The following RNGTT variants were observed in gnomAD, a reference collection of about 807,000 sequenced individuals.
The protein encoded by RNGTT is mRNA-capping enzyme.
In RNGTT, 33 loss-of-function variants were observed where a neutral mutation model predicts 79.3. The ratio of observed to expected loss-of-function variants is 0.42; its 90% CI spans 0.32 to 0.56. The LOEUF (loss-of-function observed/expected upper bound fraction) is 0.56, where lower values mean the gene tolerates loss of function less well. RNGTT is among the 20% of genes least tolerant of loss of function. RNGTT has a pLI of 0.17. For missense variants in RNGTT, 497 were observed against 739.1 expected, an observed-to-expected ratio of 0.67 and a Z score of 3.80; for synonymous variants, 222 against 235.9, an observed-to-expected ratio of 0.94 and a Z score of 0.54.
intron 13 of RNGTT, among the ~76,000 whole-genome samples, chr6:88,701,825 G>A (rs1775956928): frequency 7.1e-6 from 1 of 140,114 alleles, no homozygotes; most frequent in Non-Finnish European, 1.5e-5. Flanking sequence ...TTCTCATGCT[G>A]TAGAGACATT....
At chr6:88,950,770 G>A (rs749497838) in intron 1 of RNGTT, among the ~76,000 whole-genome samples, 101 of 152,064 alleles carry the variant, frequency 6.6e-4, no homozygotes, top group Non-Finnish European at 1.0e-3. Context: ...AGTTCGAGGC[G>A]GCAGTGAGCC....
At chr6:88,696,082 C>T (rs1478038403) in intron 13 of RNGTT, among the ~76,000 whole-genome samples, 1 of 152,156 alleles carries the variant, frequency 6.6e-6, no homozygotes, top group Non-Finnish European at 1.5e-5. Flanking sequence ...ATACACTGCA[C>T]AGCATAATGA....
At chr6:88,656,210 C>T (rs1401334288) in intron 14 of RNGTT, among the ~76,000 whole-genome samples, 1 of 152,088 alleles carries the variant, frequency 6.6e-6, no homozygotes, top group Non-Finnish European at 1.5e-5. Flanking sequence ...TTAATAAAAT[C>T]CTAAGTGGCA....
chr6:88,648,865 G>A (rs780345474), intron 14 of RNGTT, among the ~76,000 whole-genome samples: 8 of 152,092 alleles, frequency 5.3e-5, no homozygotes, highest in Non-Finnish European at 1.0e-4. Flanking sequence ...TTTACAGAGC[G>A]ATTTCTTTGT....
intron 14 of RNGTT, among the ~76,000 whole-genome samples, chr6:88,660,549 T>TAAAAAAAAAAAAAAAAAAAA (rs139978224): frequency 2.8e-5 from 4 of 144,262 alleles, no homozygotes; most frequent in African/African-American, 1.1e-4. Flanking sequence ...GCAACAATGG[T>TAAAAAAAAAAAAAAAAAAAA]AAAAAAAAAG....
At chr6:88,615,456 C>G (rs1772182445) in intron 14 of RNGTT, among the ~76,000 whole-genome samples, 1 of 152,122 alleles carries the variant, frequency 6.6e-6, no homozygotes, top group Non-Finnish European at 1.5e-5. Flanking sequence ...TCAACAAATC[C>G]AACAGGTGCA....
Position 88,902,666 on chromosome 6 carries a change from C to T in RNGTT, c.684+2049G>A, listed in dbSNP as rs185062024. Among the ~76,000 whole-genome samples, 21 of 145,032 alleles carry T rather than the reference C, an allele frequency of 1.4e-4. No homozygotes were observed. The East Asian group carries it at 4.2e-3, about 29-fold the overall frequency. ...GACAAAAGTACTAATATATACCAGC[C>T]TTTAAAAAGATGTATAGTGAAATCT... On this transcript the variant is annotated intron_variant, in intron 6 of 15. Transcript: ENST00000369485.
chr6:88,956,740 A>G (rs1194734276), intron 1 of RNGTT, among the ~76,000 whole-genome samples: 2 of 152,204 alleles, frequency 1.3e-5, no homozygotes, highest in African/African-American at 4.8e-5. Context: ...TTTACCATAC[A>G]CAAGTCAATA....
chr6:88,865,716 C>A (rs927138065), intron 8 of RNGTT, among the ~76,000 whole-genome samples: 1 of 152,096 alleles, frequency 6.6e-6, no homozygotes, highest in African/African-American at 2.4e-5. Context: ...CTCAATCTGT[C>A]TAAGAGCTTG....
At chr6:88,930,121 T>C (rs1784464879) in intron 2 of RNGTT, among the ~76,000 whole-genome samples, 1 of 142,556 alleles carries the variant, frequency 7.0e-6, no homozygotes, top group Non-Finnish European at 1.5e-5. Context: ...TGTATACATA[T>C]ATACACGTAT....
chr6:88,689,151 A>C (rs936509781), intron 13 of RNGTT, among the ~76,000 whole-genome samples: 1 of 152,144 alleles, frequency 6.6e-6, no homozygotes, highest in Non-Finnish European at 1.5e-5. Flanking sequence ...TCTTAAGTCC[A>C]TACCAATAGG....
At chr6:88,902,082 G>C (rs1361901315) in intron 6 of RNGTT, among the ~76,000 whole-genome samples, 2 of 152,138 alleles carry the variant, frequency 1.3e-5, no homozygotes, top group Non-Finnish European at 2.9e-5. Flanking sequence ...CAGCTACTCA[G>C]GAGGCTGCGA....
In RNGTT at chr6:88,942,596, C is replaced by A. The variant is rs1037466798; in HGVS notation, c.65-1416G>T. On this transcript the variant is annotated intron_variant, in intron 1 of 15. Coordinates refer to ENST00000369485, the MANE Select transcript of RNGTT (RefSeq NM_003800.5). The stretch of plus-strand genomic sequence containing the variant: ...ATGTTGCCCAGGCTGGTCTCGAATT[C>A]CTAAGCTCAAGCAATTCGCCTACCT... Among the ~76,000 whole-genome samples the A allele has an allele frequency of 2.6e-5, 4 of 152,178 alleles. No individual in the cohort carries two copies. In the South Asian group the frequency reaches 8.3e-4, roughly 32 times the overall value.
intron 8 of RNGTT, among the ~76,000 whole-genome samples, chr6:88,888,712 G>T (rs538927383): frequency 5.3e-5 from 8 of 152,106 alleles, no homozygotes; most frequent in Non-Finnish European, 7.4e-5. Context: ...TTAACTACTT[G>T]AATTAGTACA....
rs548431207 is a variant in RNGTT at position 88,804,139 on chromosome 6, C to T, written c.1270-2507G>A. ...TGTATTCTCAAGTTTTGAATTATTA[C>T]TCAATTTGCCAGAAAAGGAAACTGA... On this transcript the variant is annotated intron_variant, in intron 11 of 15. Transcript: ENST00000369485. 2.6e-5 allele frequency among the ~76,000 whole-genome samples: 4 copies of T among 152,230 alleles called. No individual in the cohort carries two copies. The South Asian group carries it at 8.3e-4, about 31-fold the overall frequency.
At chr6:88,819,881 G>T (rs1780443632) in intron 11 of RNGTT, among the ~76,000 whole-genome samples, 1 of 152,032 alleles carries the variant, frequency 6.6e-6, no homozygotes, top group Non-Finnish European at 1.5e-5. Flanking sequence ...TACAGCTGCG[G>T]ATCTTTATTT....
chr6:88,738,762 C>CAGAAA (rs1330563211), intron 13 of RNGTT, among the ~76,000 whole-genome samples: 5 of 151,904 alleles, frequency 3.3e-5, no homozygotes, highest in African/African-American at 1.2e-4. Context: ...TATATGGGAA[C>CAGAAA]TTTCTGTTCT....
intron 4 of RNGTT, among the ~76,000 whole-genome samples, chr6:88,927,129 T>A (rs1187769553): frequency 6.6e-6 from 1 of 152,118 alleles, no homozygotes; most frequent in African/African-American, 2.4e-5. Context: ...GAATAGGAAA[T>A]ATTTTCAAAC....
chr6:88,711,661 G>A (rs1445699758), intron 13 of RNGTT, among the ~76,000 whole-genome samples: 1 of 152,142 alleles, frequency 6.6e-6, no homozygotes, highest in African/African-American at 2.4e-5. Flanking sequence ...CAGAGAGTCA[G>A]CCTTTACCGC....
Sources: allele counts gnomAD v4.1 joint callset (sites outside exome capture counted in the v4.1 genomes callset), GRCh38; gene constraint gnomAD v4.1.1; transcripts MANE v1.5; gene names NCBI Gene and HGNC (gene_info 2026-07-23, HGNC 2026-07-21).